Variants in CBFA2T3 observed in about 807,000 individuals in gnomAD.
The protein encoded by CBFA2T3 is transcriptional corepressor CBFA2T3.
CBFA2T3 carries 31 observed loss-of-function variants against 58.6 expected under a neutral mutation model. The observed-to-expected ratio is 0.53, with a 90% CI of 0.40 to 0.71. The LOEUF (loss-of-function observed/expected upper bound fraction) is 0.71, where lower values mean the gene tolerates loss of function less well. Ranked by LOEUF, CBFA2T3 falls within the 30% of genes least tolerant of loss-of-function variation. CBFA2T3 has a pLI of 0.00. For missense variants in CBFA2T3, 1,076 were observed against 963.1 expected (o/e 1.12, Z -1.55); for synonymous variants, 531 against 421.9 (o/e 1.26, Z -3.17).
chr16:88,944,682 G>T (rs1971857847), intron 1 of CBFA2T3, among the ~76,000 whole-genome samples: 2 of 152,248 alleles, frequency 1.3e-5, no homozygotes, highest in African/African-American at 4.8e-5. Flanking sequence ...CCCAGCTCAA[G>T]GTTTGGATAA....
At chr16:88,942,107 G>A (rs1272697744) in intron 1 of CBFA2T3, among the ~76,000 whole-genome samples, 1 of 152,178 alleles carries the variant, frequency 6.6e-6, no homozygotes, top group Non-Finnish European at 1.5e-5. Flanking sequence ...CATATCGTGC[G>A]TTTCATGTCC....
chr16:88,941,392 C>T (rs949728011), intron 1 of CBFA2T3, among the ~76,000 whole-genome samples: 2 of 146,576 alleles, frequency 1.4e-5, no homozygotes, highest in Non-Finnish European at 3.0e-5. Context: ...GCCTCCGCCT[C>T]CTGCCCCCCG....
intron 8 of CBFA2T3, 108 bp from the exon 9 acceptor site, chr16:88,881,597 C>A: frequency 8.8e-7 from 1 of 1,142,760 alleles, no homozygotes; most frequent in Admixed American, 2.3e-5. Context: ...GCCCGACCAG[C>A]CCACCGCCCG....
At chr16:88,920,938 G>A (rs533838222) in intron 1 of CBFA2T3, among the ~76,000 whole-genome samples, 8 of 152,368 alleles carry the variant, frequency 5.3e-5, no homozygotes, top group East Asian at 1.9e-4. Context: ...GGAGAGCAGC[G>A]GGACGGGTGT....
At chr16:88,890,664 TGTGTGC>T (rs971491050) in intron 5 of CBFA2T3, among the ~76,000 whole-genome samples, 1 of 152,224 alleles carries the variant, frequency 6.6e-6, no homozygotes, top group African/African-American at 2.4e-5. Context: ...GTCCCGTCTG[TGTGTGC>T]GTGGGAATCA....
chr16:88,901,260 G>A (rs898037870), intron 2 of CBFA2T3, among the ~76,000 whole-genome samples: 5 of 152,210 alleles, frequency 3.3e-5, no homozygotes, highest in Admixed American at 2.0e-4. Flanking sequence ...GGGAGGACCT[G>A]CATTGCAGAA....
chr16:88,918,484 A>G (rs998886152), intron 1 of CBFA2T3, among the ~76,000 whole-genome samples: 1 of 152,240 alleles, frequency 6.6e-6, no homozygotes, highest in Non-Finnish European at 1.5e-5. Context: ...CACCTCCTGG[A>G]CAGGGTGGGG....
chr16:88,911,337 G>A (rs998217348), intron 1 of CBFA2T3, among the ~76,000 whole-genome samples: 31 of 152,270 alleles, frequency 2.0e-4, no homozygotes, highest in Non-Finnish European at 8.8e-5. Context: ...TGTGTGAACT[G>A]ACTGTGAACT....
At chr16:88,895,087 G>A (rs2142604119) in intron 3 of CBFA2T3, among the ~76,000 whole-genome samples, 1 of 152,290 alleles carries the variant, frequency 6.6e-6, no homozygotes, top group African/African-American at 2.4e-5. Context: ...GGACCTACAT[G>A]CCGGCCCCCC....
chr16:88,943,486 C>T (rs1188786237), intron 1 of CBFA2T3, among the ~76,000 whole-genome samples: 1 of 152,256 alleles, frequency 6.6e-6, no homozygotes. Flanking sequence ...TGCCCCACCG[C>T]AGCCCCTCCT....
At chr16:88,941,047 GCGGCGGA>G (rs1024135804) in intron 1 of CBFA2T3, 7 of 985,658 alleles carry the variant, frequency 7.1e-6, no homozygotes, top group Admixed American at 1.2e-4. Flanking sequence ...GATCCGGCGG[GCGGCGGA>G]CGGCGCACAC....
chr16:88,881,031 T>A (rs1161736700), intron 9 of CBFA2T3: 2 of 700,228 alleles, frequency 2.9e-6, no homozygotes. Context: ...GCCTCTCCTG[T>A]GTCAGCATTC....
chr16:88,899,648 C>A (rs1597694585), intron 2 of CBFA2T3, among the ~76,000 whole-genome samples: 1 of 152,182 alleles, frequency 6.6e-6, no homozygotes. Flanking sequence ...CAGACCGGCA[C>A]CTTCCAAGCA....
At chr16:88,934,272 C>A (rs530947110) in intron 1 of CBFA2T3, among the ~76,000 whole-genome samples, 1 of 152,164 alleles carries the variant, frequency 6.6e-6, no homozygotes, top group Non-Finnish European at 1.5e-5. Flanking sequence ...AAGGGCTGCC[C>A]CACAGTGGCT....
At chr16:88,947,824 G>A (rs2142830352) in intron 1 of CBFA2T3, among the ~76,000 whole-genome samples, 1 of 152,304 alleles carries the variant, frequency 6.6e-6, no homozygotes, top group East Asian at 1.9e-4. Flanking sequence ...TGAGGCAGTG[G>A]GATTGCTTGA....
chr16:88,894,544 A>C (rs1159470675), intron 3 of CBFA2T3, among the ~76,000 whole-genome samples: 2 of 131,928 alleles, frequency 1.5e-5, no homozygotes, highest in Non-Finnish European at 3.2e-5. Flanking sequence ...CATGCACACA[A>C]TGTACACACA....
chr16:88,888,002 G>A (rs907916637), intron 5 of CBFA2T3, among the ~76,000 whole-genome samples: 3 of 152,190 alleles, frequency 2.0e-5, no homozygotes, highest in Non-Finnish European at 4.4e-5. Flanking sequence ...CTGTGGCCTT[G>A]GGCTGGTCAT....
In CBFA2T3 at chr16:88,957,703, G is replaced by C. The variant is rs146578921; in HGVS notation, c.151+18954C>G. 7.2e-5 allele frequency: 11 copies of C among 152,416 alleles called. No homozygotes were observed. In the East Asian group the frequency reaches 2.1e-3, roughly 29 times the overall value. 9.4% of individuals were successfully genotyped at this position (152,416 alleles called of 1,614,324 possible). On this transcript the variant is annotated intron_variant, in intron 1 of 11. Coordinates refer to ENST00000268679, the MANE Select transcript of CBFA2T3 (RefSeq NM_005187.6). ...TATTCAGACATAAGAAGGAAGGCAG[G>C]TCCGACACACGCTCCAGTGGGGATG...
chr16:88,903,659 T>TC (rs1491299273), intron 1 of CBFA2T3, among the ~76,000 whole-genome samples: 2 of 77,124 alleles, frequency 2.6e-5, no homozygotes, highest in Non-Finnish European at 5.3e-5. Context: ...TGTTCCCGGC[T>TC]GGGGGGGGGG....
Sources: allele counts gnomAD v4.1 joint callset (sites outside exome capture counted in the v4.1 genomes callset), GRCh38; gene constraint gnomAD v4.1.1; transcripts MANE v1.5; gene names NCBI Gene and HGNC (gene_info 2026-07-23, HGNC 2026-07-21).